DENND2B: variants seen among roughly 807,000 people sequenced by gnomAD.
The protein encoded by DENND2B is DENN domain containing 2B.
A neutral mutation model predicts 116.0 loss-of-function variants in DENND2B; 32 were observed. That is an observed-to-expected ratio of 0.28 (90% CI 0.21 to 0.37). DENND2B has a LOEUF of 0.37. Ranked by LOEUF, DENND2B falls within the 10% of genes least tolerant of loss-of-function variation. The pLI, the probability that DENND2B is intolerant of heterozygous loss-of-function variation, is 1.00. For missense variants in DENND2B, 1,276 were observed against 1,477.7 expected, an observed-to-expected ratio of 0.86 and a Z score of 2.24; for synonymous variants, 588 against 583.9, an observed-to-expected ratio of 1.01 and a Z score of -0.10.
At chr11:8,748,860 G>A (rs904750752) in intron 2 of DENND2B, among the ~76,000 whole-genome samples, 1 of 152,026 alleles carries the variant, frequency 6.6e-6, no homozygotes, top group Non-Finnish European at 1.5e-5. Context: ...CAGCAGTCTC[G>A]AGTCTGCTTT....
upstream of DENND2B, among the ~76,000 whole-genome samples, chr11:8,872,734 C>G (rs2063802290): frequency 6.6e-6 from 1 of 152,152 alleles, no homozygotes; most frequent in African/African-American, 2.4e-5. Context: ...AAAAATAAAT[C>G]AATTCCTCGT....
At position 8,696,096 on chromosome 11, in the gene DENND2B, C is replaced by G. The variant is rs577791140; in HGVS notation, c.3292+331G>C. 69 of 312,968 alleles carry G rather than the reference C, an allele frequency of 2.2e-4. No individual in the cohort carries two copies. In the East Asian group the frequency reaches 4.6e-3, roughly 21 times the overall value. 19.4% of individuals were successfully genotyped at this position (312,968 alleles called of 1,614,324 possible). A position where few individuals can be genotyped will look rare whatever the true frequency, so the allele number is the denominator to read the frequency against. ...CCCAACCACTGGGTTCTCAGAACCC[C>G]CGAAATTGCTCAGTCTGCTCCTTTT... On this transcript the variant is annotated intron_variant, in intron 18 of 19. Transcript: ENST00000313726.
At chr11:8,745,282 T>G (rs1259828127) in intron 2 of DENND2B, among the ~76,000 whole-genome samples, 2 of 152,172 alleles carry the variant, frequency 1.3e-5, no homozygotes, top group Admixed American at 6.5e-5. Flanking sequence ...CTCAAACTCC[T>G]GGGCTCAAGC....
intron 1 of DENND2B, among the ~76,000 whole-genome samples, chr11:8,776,905 C>T (rs1186825127): frequency 6.6e-6 from 1 of 152,108 alleles, no homozygotes; most frequent in Non-Finnish European, 1.5e-5. Flanking sequence ...TACTTGACTA[C>T]AGAGATGATG....
chr11:8,867,069 C>T (rs1266329712), intron 2 of DENND2B, among the ~76,000 whole-genome samples: 1 of 152,178 alleles, frequency 6.6e-6, no homozygotes, highest in Admixed American at 6.5e-5. Context: ...TGTCAAGCTG[C>T]CCCTCCTTAG....
chr11:8,843,133 C>T (rs1451249156), intron 3 of DENND2B, among the ~76,000 whole-genome samples: 1 of 152,078 alleles, frequency 6.6e-6, no homozygotes, highest in Non-Finnish European at 1.5e-5. Context: ...TCTCCTGCCT[C>T]AGCCTCCTGA....
chr11:8,885,951 C>CG (rs2063955809), intron 1 of DENND2B, among the ~76,000 whole-genome samples: 1 of 151,448 alleles, frequency 6.6e-6, no homozygotes, highest in Non-Finnish European at 1.5e-5. Flanking sequence ...TAACTTTTTT[C>CG]GGGGGGAGAA....
At chr11:8,876,878 CA>C (rs34676489) in intron 2 of DENND2B, among the ~76,000 whole-genome samples, 68,781 of 122,478 alleles carry the variant, frequency 0.56, 17,249 homozygotes, top group Middle Eastern at 0.76. Context: ...GATTCCGTCT[CA>C]AAAAAAAAAA....
rs141489547 is a variant in DENND2B, at chr11:8,778,979, C to G, written c.-25-28254G>C. Among the ~76,000 whole-genome samples, 4 of 152,368 alleles carry G rather than the reference C, an allele frequency of 2.6e-5. No homozygotes were observed. In the East Asian group the frequency reaches 7.7e-4, roughly 29 times the overall value. ...CTGATAATCTTCCAAGTTCCAATAG[C>G]AGGCTCCCTAATAACATTGACAGTA... On this transcript the variant is annotated intron_variant, in intron 1 of 19. Coordinates refer to ENST00000313726, the MANE Select transcript of DENND2B (RefSeq NM_213618.2).
intron 1 of DENND2B, among the ~76,000 whole-genome samples, chr11:8,785,934 CT>C (rs1260319586): frequency 1.3e-5 from 2 of 152,186 alleles, no homozygotes; most frequent in African/African-American, 4.8e-5. Flanking sequence ...GAAGTCAATC[CT>C]TTTACCTGTT....
intron 4 of DENND2B, among the ~76,000 whole-genome samples, chr11:8,829,217 G>A (rs1326466275): frequency 6.6e-6 from 1 of 151,874 alleles, no homozygotes; most frequent in African/African-American, 2.4e-5. Flanking sequence ...GCATGTGCAT[G>A]TGCAGCATAT....
At chr11:8,832,630 C>G (rs138839513) in intron 4 of DENND2B, 524 of 152,646 alleles carry the variant, frequency 3.4e-3, no homozygotes, top group Middle Eastern at 0.024. Context: ...ACACCCCACA[C>G]AGCCCCAGAG....
intron 18 of DENND2B, 151 bp downstream of exon 18, chr11:8,696,276 A>G: frequency 8.2e-7 from 1 of 1,213,672 alleles, no homozygotes; most frequent in Non-Finnish European, 1.2e-6. Flanking sequence ...CCGGAGGAGA[A>G]GAATGCTACC....
chr11:8,774,570 C>A (rs932532785), intron 1 of DENND2B, among the ~76,000 whole-genome samples: 8 of 152,204 alleles, frequency 5.3e-5, no homozygotes, highest in Non-Finnish European at 2.9e-5. Context: ...TACCATCCAC[C>A]ATCTCATCAC....
intron 1 of DENND2B, chr11:8,771,660 T>A (rs979665816): frequency 6.6e-6 from 1 of 150,778 alleles, no homozygotes; most frequent in Non-Finnish European, 1.5e-5. Context: ...TCATAACAAG[T>A]CCCTCTACCA....
In DENND2B at chr11:8,718,738, G is replaced by A. The variant is rs113613232; in HGVS notation, c.1478-846C>T. ...GACTAGTTCTAAAATCTCTGGCAGC[G>A]GGCATTGTATTGGCATTACCAGAAA... is the stretch of plus-strand genomic sequence containing the variant. On this transcript the variant is annotated intron_variant, in intron 4 of 19. Coordinates refer to ENST00000313726, the MANE Select transcript of DENND2B (RefSeq NM_213618.2). The A allele has an allele frequency of 8.1e-4, 880 of 1,092,984 alleles. 1 individual carries two copies. Among genetic ancestry groups the A allele is most frequent in the Non-Finnish European group, 9.3e-4 (833 of 898,304 alleles). The allele number at this position is 1,092,984 out of a possible 1,614,324, so 67.7% of individuals were successfully genotyped here.
chr11:8,881,731 G>A lies in DENND2B; in HGVS notation c.-255-622C>T, dbSNP rs946081361. On this transcript the variant is annotated intron_variant, in intron 1 of 22. Transcript: ENST00000534127. Reference sequence around the variant, plus strand: ...ACTTTTTGTATTTTTAGTAGAGACAGGATTTCACCACGTTGGCCAGGCTGG... The same window carrying A: ...ACTTTTTGTATTTTTAGTAGAGACAAGATTTCACCACGTTGGCCAGGCTGG... Among the ~76,000 whole-genome samples the A allele has an allele frequency of 2.0e-5, 3 of 152,242 alleles. No homozygotes were observed. The South Asian group carries it at 6.2e-4, about 32-fold the overall frequency.
intron 1 of DENND2B, among the ~76,000 whole-genome samples, chr11:8,905,011 C>T (rs1297228005): frequency 6.6e-6 from 1 of 152,042 alleles, no homozygotes; most frequent in Non-Finnish European, 1.5e-5. Flanking sequence ...TAATCTCTAT[C>T]AAAACATCAA....
chr11:8,787,194 T>G (rs1393876357), intron 1 of DENND2B: 2 of 152,182 alleles, frequency 1.3e-5, no homozygotes, highest in African/African-American at 4.8e-5. Context: ...GCCAGACACA[T>G]CAATTTTCTC....
Sources: allele counts gnomAD v4.1 joint callset (sites outside exome capture counted in the v4.1 genomes callset), GRCh38; gene constraint gnomAD v4.1.1; transcripts MANE v1.5; gene names NCBI Gene and HGNC (gene_info 2026-07-23, HGNC 2026-07-21).